MECOM: variants seen among roughly 807,000 people sequenced by gnomAD.
MECOM encodes histone-lysine N-methyltransferase MECOM.
Under a neutral mutation model 116.3 loss-of-function variants are expected in MECOM, and 13 were observed. The observed-to-expected ratio is 0.11, with a 90% confidence interval of 0.07 to 0.18. The LOEUF is 0.18. Among genes scored for constraint, MECOM ranks in the 10% least tolerant of loss-of-function variants. MECOM has a pLI of 1.00. For missense variants in MECOM, 1,299 were observed against 1,509.0 expected, an observed-to-expected ratio of 0.86 and a Z score of 2.31; for synonymous variants, 528 against 535.2, an observed-to-expected ratio of 0.99 and a Z score of 0.19.
At chr3:169,471,123 C>G (rs1749159482) in intron 1 of MECOM, among the ~76,000 whole-genome samples, 1 of 151,970 alleles carries the variant, frequency 6.6e-6, no homozygotes, top group Non-Finnish European at 1.5e-5. Context: ...TCCAGGGTAG[C>G]TGGGACTATA....
intron 7 of MECOM, among the ~76,000 whole-genome samples, chr3:169,119,498 A>G (rs1369420543): frequency 6.6e-6 from 1 of 152,196 alleles, no homozygotes; most frequent in East Asian, 1.9e-4. Flanking sequence ...CTTCAACACA[A>G]TTAAAATTCC....
chr3:169,587,563 G>GA (rs1765919325), intron 1 of MECOM, among the ~76,000 whole-genome samples: 2 of 150,868 alleles, frequency 1.3e-5, no homozygotes, highest in African/African-American at 4.9e-5. Context: ...ACACCTTGTA[G>GA]AAAAAAAAGG....
intron 2 of MECOM, among the ~76,000 whole-genome samples, chr3:169,159,386 T>G (rs548061474): frequency 6.6e-6 from 1 of 152,076 alleles, no homozygotes; most frequent in East Asian, 1.9e-4. Flanking sequence ...AGTGAAACCC[T>G]GTCTCTACTA....
intron 1 of MECOM, among the ~76,000 whole-genome samples, chr3:169,499,392 GAAGA>G: frequency 8.2e-6 from 1 of 121,474 alleles, no homozygotes; most frequent in East Asian, 2.3e-4. Context: ...CAGAATAAGA[GAAGA>G]ACTGTTCTCC....
intron 1 of MECOM, among the ~76,000 whole-genome samples, chr3:169,570,085 C>G (rs1763697119): frequency 6.6e-6 from 1 of 152,042 alleles, no homozygotes; most frequent in Admixed American, 6.6e-5. Context: ...AGATAGATCG[C>G]TAGCCAGACT....
chr3:169,507,836 A>T (rs185990863), intron 1 of MECOM, among the ~76,000 whole-genome samples: 50,719 of 147,802 alleles, frequency 0.34, 9,738 homozygotes, highest in African/African-American at 0.53. Flanking sequence ...AATTTTTTGT[A>T]TTTTTGATAG....
intron 1 of MECOM, among the ~76,000 whole-genome samples, chr3:169,638,804 C>T (rs149997775): frequency 2.6e-5 from 4 of 152,280 alleles, no homozygotes; most frequent in Admixed American, 6.5e-5. Flanking sequence ...AGATTCATGC[C>T]GCCTTCCACA....
At chr3:169,663,252 C>G in intron 1 of MECOM, 84 bp downstream of exon 1, 1 of 1,497,658 alleles carries the variant, frequency 6.7e-7, no homozygotes, top group Non-Finnish European at 9.1e-7. Context: ...AGGCAGCCCG[C>G]GCTCCCTCCC....
chr3:169,133,900 A>G (rs1180059236), intron 3 of MECOM: 1 of 1,286,382 alleles, frequency 7.8e-7, no homozygotes, highest in Non-Finnish European at 1.0e-6. Flanking sequence ...TTCTCTCAAC[A>G]GTTTGAATCA....
At chr3:169,218,844 G>A (rs367996792) in intron 2 of MECOM, among the ~76,000 whole-genome samples, 5 of 152,036 alleles carry the variant, frequency 3.3e-5, no homozygotes, top group African/African-American at 7.2e-5. Flanking sequence ...ATGTTGCACC[G>A]TATCCAATTT....
At position 169,553,562 on chromosome 3, in the gene MECOM, C is replaced by T. The variant is rs76958355; in HGVS notation, c.37+109774G>A. 9.6e-3 allele frequency among the ~76,000 whole-genome samples: 1,460 copies of T among 152,308 alleles called. 20 individuals carry two copies. Among genetic ancestry groups the T allele is most frequent in the African/African-American group, 0.034 (1,393 of 41,558 alleles). Reference sequence around the variant, plus strand: ...TCACTAAGTCAGTTTCTACCTTTTCCTGGGCTCATAGGTAGATTATATGTA... The same window carrying T: ...TCACTAAGTCAGTTTCTACCTTTTCTTGGGCTCATAGGTAGATTATATGTA... On this transcript the variant is annotated intron_variant, in intron 1 of 16. Transcript: ENST00000651503.
At chr3:169,555,756 C>T (rs1761950859) in intron 1 of MECOM, among the ~76,000 whole-genome samples, 1 of 152,220 alleles carries the variant, frequency 6.6e-6, no homozygotes, top group South Asian at 2.1e-4. Flanking sequence ...TATGGCCCTA[C>T]TTCCTGGGCT....
At chr3:169,097,194 T>C (rs1721784881) in intron 12 of MECOM, among the ~76,000 whole-genome samples, 2 of 152,186 alleles carry the variant, frequency 1.3e-5, no homozygotes, top group African/African-American at 4.8e-5. Flanking sequence ...AGAGAGATTA[T>C]GTTTCTGCCA....
chr3:169,228,456 GC>G (rs1752999597), intron 2 of MECOM, among the ~76,000 whole-genome samples: 1 of 152,164 alleles, frequency 6.6e-6, no homozygotes, highest in African/African-American at 2.4e-5. Context: ...TACAGTTTAT[GC>G]AAAAACCAGT....
At chr3:169,391,632 A>G (rs1463895248) in intron 1 of MECOM, among the ~76,000 whole-genome samples, 1 of 152,216 alleles carries the variant, frequency 6.6e-6, no homozygotes, top group African/African-American at 2.4e-5. Flanking sequence ...GCAGAAAAAT[A>G]TGAACAGATG....
intron 1 of MECOM, among the ~76,000 whole-genome samples, chr3:169,626,822 CTT>C (rs201067118): frequency 2.0e-5 from 3 of 147,648 alleles, no homozygotes; most frequent in Admixed American, 6.8e-5. Context: ...TTTCTTTTCT[CTT>C]TTTTTTTTTC....
chr3:169,429,107 GGA>G (rs1236112583), intron 1 of MECOM, among the ~76,000 whole-genome samples: 1 of 152,176 alleles, frequency 6.6e-6, no homozygotes, highest in Non-Finnish European at 1.5e-5. Flanking sequence ...ATGAGAGACT[GGA>G]GTCAACTCTA....
chr3:169,212,636 GTATATATATATATA>G (rs61115570), intron 2 of MECOM, among the ~76,000 whole-genome samples: 10 of 26,070 alleles, frequency 3.8e-4, no homozygotes, highest in South Asian at 2.3e-3. Flanking sequence ...AGTCAGCAAT[GTATATATATATATA>G]TATATATATA....
At chr3:169,171,413 G>A (rs1295278738) in intron 2 of MECOM, among the ~76,000 whole-genome samples, 1 of 152,030 alleles carries the variant, frequency 6.6e-6, no homozygotes, top group Non-Finnish European at 1.5e-5. Context: ...CTCTCTTCAT[G>A]TCTTATCCAG....
Sources: allele counts gnomAD v4.1 joint callset (sites outside exome capture counted in the v4.1 genomes callset), GRCh38; gene constraint gnomAD v4.1.1; transcripts MANE v1.5; gene names NCBI Gene and HGNC (gene_info 2026-07-23, HGNC 2026-07-21).